Variants in BCOR observed in about 807,000 individuals in gnomAD.
BCOR encodes BCL6 corepressor.
In BCOR, 10 loss-of-function variants were observed where a neutral mutation model predicts 86.7. The ratio of observed to expected loss-of-function variants is 0.12; its 90% CI spans 0.07 to 0.20. BCOR has a LOEUF of 0.20. Ranked by LOEUF, BCOR falls within the 10% of genes least tolerant of loss-of-function variation. The pLI is 1.00. For synonymous variants in BCOR, 611 were observed against 609.0 expected, an observed-to-expected ratio of 1.00 and a Z score of -0.05; for missense variants, 1,259 against 1,452.1, an observed-to-expected ratio of 0.87 and a Z score of 2.16.
chrX:40,085,395 T>C (rs1444861226), intron 1 of BCOR, among the ~76,000 whole-genome samples: 1 of 111,295 alleles, frequency 9.0e-6, no homozygotes, highest in Non-Finnish European at 1.9e-5. Context: ...CCGCCTTTCC[T>C]CCAAGGCGAA....
intron 1 of BCOR, among the ~76,000 whole-genome samples, chrX:40,110,938 C>T (rs1937302894): frequency 9.1e-6 from 1 of 109,696 alleles, no homozygotes; most frequent in Admixed American, 9.8e-5. Context: ...GTCTCAAACT[C>T]CTGACCTCAG....
At chrX:40,053,400 G>C (rs1934424122) in intron 14 of BCOR, among the ~76,000 whole-genome samples, 2 of 111,934 alleles carry the variant, frequency 1.8e-5, no homozygotes, top group African/African-American at 6.5e-5. Context: ...CTCAACCATA[G>C]GGGGCAGAGG....
chrX:40,110,661 C>CTTTTTTTTTTTT (rs1569182584), intron 1 of BCOR, among the ~76,000 whole-genome samples: 3 of 24,672 alleles, frequency 1.2e-4, no homozygotes, highest in Admixed American at 6.3e-4. Flanking sequence ...TTCTTTTTTC[C>CTTTTTTTTTTTT]TTTTTCTTTT....
At chrX:40,175,083 G>A (rs1328981470) in intron 1 of BCOR, among the ~76,000 whole-genome samples, 1 of 110,865 alleles carries the variant, frequency 9.0e-6, no homozygotes, top group Non-Finnish European at 1.9e-5. Context: ...CAGGAACGGA[G>A]GCCGTCCATA....
intron 1 of BCOR, chrX:40,146,336 G>C (rs1938054649): frequency 9.0e-6 from 1 of 111,380 alleles, no homozygotes; most frequent in Non-Finnish European, 1.9e-5. Context: ...GGTGGGGAGA[G>C]GACCCCGAGA....
chrX:40,097,524 TGGGCCGGGTGGGGGC>T lies in BCOR; in HGVS notation c.-365_-351del, dbSNP rs1936951545. ...GTCGGCCCCGCCGAGGGGTGGGCTC[TGGGCCGGGTGGGGGC>T]GGGGCGGGGCGGGCTCGGGGCCTCC... is the stretch of plus-strand genomic sequence containing the variant. On this transcript the variant is annotated 5_prime_UTR_variant, in exon 1 of 15. Coordinates refer to ENST00000378444, the MANE Select transcript of BCOR (RefSeq NM_001123385.2). 1 of 13,343 alleles carries T rather than the reference TGGGCCGGGTGGGGGC, an allele frequency of 7.5e-5. No homozygotes were observed. The highest frequency in any genetic ancestry group is 2.6e-4 in the African/African-American group (1 of 3,810). The allele number at this position is 13,343 out of a possible 1,213,427, so 1.1% of individuals were successfully genotyped here. A position where few individuals can be genotyped will look rare whatever the true frequency, so the allele number is the denominator to read the frequency against.
At position 40,174,259 on chromosome X, in the gene BCOR, G is replaced by A. The variant is rs1013189255; in HGVS notation, c.-41+2748C>T. 4.4e-5 allele frequency among the ~76,000 whole-genome samples: 5 copies of A among 112,441 alleles called. No individual in the cohort carries two copies. The East Asian group carries it at 8.4e-4, about 19-fold the overall frequency. ...CTGTGCGTGCCAAGCTGCCAGCCCC[G>A]AGAAAGACAAAGAACACGGGCGCCT... On this transcript the variant is annotated intron_variant, in intron 1 of 14. Coordinates refer to the BCOR transcript ENST00000342274.
intron 1 of BCOR, among the ~76,000 whole-genome samples, chrX:40,173,779 G>T (rs1308087228): frequency 8.9e-6 from 1 of 112,193 alleles, no homozygotes; most frequent in Non-Finnish European, 1.9e-5. Context: ...CACCTTTTTT[G>T]ATGGCTGAAG....
At chrX:40,176,478 C>G (rs925844492) in intron 1 of BCOR, among the ~76,000 whole-genome samples, 4 of 112,502 alleles carry the variant, frequency 3.6e-5, no homozygotes, top group Admixed American at 1.9e-4. Context: ...AAGAAGAAAA[C>G]AAGGCCGGCG....
intron 1 of BCOR, 101 bp from the exon 2 acceptor site, chrX:40,078,070 G>A: frequency 3.8e-6 from 2 of 532,497 alleles, no homozygotes; most frequent in Non-Finnish European, 6.6e-6. Context: ...AAAGGATGCA[G>A]ATGGGGAAGG....
At chrX:40,145,250 G>A (rs1482892488) in intron 1 of BCOR, among the ~76,000 whole-genome samples, 2 of 111,405 alleles carry the variant, frequency 1.8e-5, no homozygotes, top group African/African-American at 6.5e-5. Context: ...GAACAGCTCC[G>A]GACTGGGCCC....
In BCOR at chrX:40,081,758, G is replaced by C. The variant is rs1936116484; in HGVS notation, c.-40-3789C>G. On this transcript the variant is annotated intron_variant, in intron 1 of 14. Transcript: ENST00000378444. Reference sequence around the variant, plus strand: ...GGTTTAACCCCTTTTTCTAGTAGTGGAGAGAAGTGGGTAAAGGTGCTGGAT... The same window carrying C: ...GGTTTAACCCCTTTTTCTAGTAGTGCAGAGAAGTGGGTAAAGGTGCTGGAT... Among the ~76,000 whole-genome samples the C allele has an allele frequency of 4.4e-5, 5 of 112,476 alleles. No individual in the cohort carries two copies. The South Asian group carries it at 1.8e-3, about 41-fold the overall frequency.
chrX:40,071,513 G>T, intron 5 of BCOR, 124 bp downstream of exon 5: 1 of 542,538 alleles, frequency 1.8e-6, no homozygotes, highest in Non-Finnish European at 3.1e-6. Context: ...CAACAGAAAA[G>T]AAACAAAATA....
At chrX:40,099,171 T>C (rs981023020), upstream of BCOR, among the ~76,000 whole-genome samples, 3 of 111,849 alleles carry the variant, frequency 2.7e-5, no homozygotes, top group African/African-American at 9.8e-5. Context: ...AATTGACACG[T>C]ATTGAGCTTC....
At chrX:40,063,110 G>GGGGGGGGGGGGGC in intron 8 of BCOR, 39 bp from the exon 9 acceptor site, 1 of 644,557 alleles carries the variant, frequency 1.6e-6, no homozygotes, top group Non-Finnish European at 2.2e-6. Flanking sequence ...GGGCGGATGG[G>GGGGGGGGGGGGGC]AGACGGGAGA....
intron 1 of BCOR, among the ~76,000 whole-genome samples, chrX:40,130,690 C>T (rs1937593449): frequency 8.9e-6 from 1 of 112,230 alleles, no homozygotes; most frequent in South Asian, 3.7e-4. Flanking sequence ...GTGCTAAACA[C>T]AGGCCCAACT....
At chrX:40,065,495 T>G (rs1018002123) in intron 6 of BCOR, among the ~76,000 whole-genome samples, 1 of 112,127 alleles carries the variant, frequency 8.9e-6, no homozygotes, top group African/African-American at 3.2e-5. Context: ...GTCCTTCCCA[T>G]GCCAGGCCAG....
rs1186511340 is a variant in BCOR, at chrX:40,097,693, G to T, written c.-519C>A. Among the ~76,000 whole-genome samples the T allele has an allele frequency of 9.2e-6, 1 of 109,146 alleles. No individual in the cohort carries two copies. Among genetic ancestry groups the T allele is most frequent in the Non-Finnish European group, 1.9e-5 (1 of 51,842 alleles). The allele number at this position is 109,146 out of a possible 115,157, so 94.8% of individuals were successfully genotyped here. A position where few individuals can be genotyped will look rare whatever the true frequency, so the allele number is the denominator to read the frequency against. ...GCAGGAGCCCCAGCGCCATGTTGAC[G>T]GTTCGCCGCGAGCGCCCGCTCGGGC... On this transcript the variant is annotated 5_prime_UTR_variant, in exon 1 of 15. Coordinates refer to ENST00000378444, the MANE Select transcript of BCOR (RefSeq NM_001123385.2).
At chrX:40,083,038 G>C (rs1187318579) in intron 1 of BCOR, among the ~76,000 whole-genome samples, 3 of 108,034 alleles carry the variant, frequency 2.8e-5, no homozygotes, top group Non-Finnish European at 5.8e-5. Flanking sequence ...CAGAGACTGC[G>C]TCACAGCAGC....
Sources: gnomAD v4.1 joint callset for allele counts (sites outside exome capture counted in the v4.1 genomes callset) on GRCh38, gnomAD v4.1.1 for gene constraint, MANE v1.5 for transcripts, NCBI Gene and HGNC (gene_info 2026-07-23, HGNC 2026-07-21) for gene names.